The following ACAD9 variants were observed in gnomAD, a reference collection of about 807,000 sequenced individuals.
ACAD9 encodes acyl-CoA dehydrogenase family member 9, also known as complex I assembly factor ACAD9, mitochondrial.
In ACAD9, 53 loss-of-function variants were observed where a neutral mutation model predicts 70.2. The ratio of observed to expected loss-of-function variants is 0.75; its 90% CI spans 0.61 to 0.95. The LOEUF (loss-of-function observed/expected upper bound fraction) is 0.95. ACAD9 is among the 40% of genes least tolerant of loss of function. ACAD9 has a pLI of 0.00. For synonymous variants in ACAD9, 313 were observed against 312.1 expected (o/e 1.00, Z -0.03); for missense variants, 777 against 802.8 (o/e 0.97, Z 0.39).
At position 128,910,007 on chromosome 3, in the gene ACAD9, C is replaced by T. The variant is rs766039847; in HGVS notation, c.1564-14C>T. On this transcript the variant is annotated splice_polypyrimidine_tract_variant and intron_variant, in intron 15 of 17. Transcript: ENST00000308982. ...TAGGTAGTGAGTCCCCACTTGGAGC[C>T]TCTGTGATCCCAGACCATCATGGAG... 3 of 1,612,758 alleles carry T rather than the reference C, an allele frequency of 1.9e-6. No individual in the cohort carries two copies. Among genetic ancestry groups the T allele is most frequent in the Non-Finnish European group, 1.7e-6 (2 of 1,179,720 alleles).
At chr3:128,881,102 C>G (rs774455647) in intron 1 of ACAD9, among the ~76,000 whole-genome samples, 1 of 152,150 alleles carries the variant, frequency 6.6e-6, no homozygotes, top group Non-Finnish European at 1.5e-5. Context: ...TTATAGCAAG[C>G]AACTTTACAG....
intron 11 of ACAD9, 140 bp downstream of exon 11, chr3:128,904,645 T>C (rs1194625281): frequency 6.4e-6 from 9 of 1,406,430 alleles, no homozygotes; most frequent in South Asian, 1.3e-5. Flanking sequence ...TTGCCCTGTG[T>C]AGCACTCCAG....
Position 128,910,149 on chromosome 3 carries a change from G to A in ACAD9, c.1692G>A (p.Glu564=), listed in dbSNP as rs2107664660. The change falls in exon 16 of 18, where the codon GAG becomes GAA. Residue 564 remains glutamate (E), a splice_region_variant and synonymous_variant. Transcript: ENST00000308982. ...IRIGLRNHDH[E]VLLANTFCVE... ...TTGGGCTCCGCAACCACGACCACGA[G>A]GTGAGCCCAGCCCAGCCTCACACAG... is the stretch of plus-strand genomic sequence containing the variant. The A allele has an allele frequency of 6.2e-7, 1 of 1,614,022 alleles. No individual in the cohort carries two copies. The highest frequency in any genetic ancestry group is 8.5e-7 in the Non-Finnish European group (1 of 1,180,044).
At chr3:128,911,802 C>T (rs1282902725) in intron 17 of ACAD9, among the ~76,000 whole-genome samples, 2 of 152,192 alleles carry the variant, frequency 1.3e-5, no homozygotes, top group Non-Finnish European at 2.9e-5. Flanking sequence ...TCTGGTTGTA[C>T]CTGATTCTGG....
chr3:128,902,771 T>C lies in ACAD9; in HGVS notation c.958+143T>C, dbSNP rs1935778176. 5 of 943,508 alleles carry C rather than the reference T, an allele frequency of 5.3e-6. No individual in the cohort carries two copies. The East Asian group carries it at 1.3e-4, about 25-fold the overall frequency. 58.4% of individuals were successfully genotyped at this position (943,508 alleles called of 1,614,324 possible). On this transcript the variant is annotated intron_variant, in intron 9 of 17. Coordinates refer to ENST00000308982, the MANE Select transcript of ACAD9 (RefSeq NM_014049.5). The surrounding 1 kb of genome is among the most constrained non-coding windows in gnomAD (Gnocchi z 4.0). ...CCTGAGCTCAGTCCCTGGGCTTTTG[T>C]GGAGACCAGAGGGTCTCCTCAGCCT... is the stretch of plus-strand genomic sequence containing the variant.
At chr3:128,912,165 C>G (rs918075261) in intron 17 of ACAD9, among the ~76,000 whole-genome samples, 3 of 152,304 alleles carry the variant, frequency 2.0e-5, no homozygotes, top group Non-Finnish European at 4.4e-5. Flanking sequence ...GACACCCCCC[C>G]AGTGCTGACA....
At chr3:128,881,911 C>T (rs1295309108) in intron 1 of ACAD9, among the ~76,000 whole-genome samples, 1 of 152,196 alleles carries the variant, frequency 6.6e-6, no homozygotes, top group Non-Finnish European at 1.5e-5. Context: ...TCATCTACAG[C>T]CATCTGCTGG....
chr3:128,908,834 G>T lies in ACAD9; in HGVS notation c.1359-139G>T, dbSNP rs532612768. 132 of 1,374,188 alleles carry T rather than the reference G, an allele frequency of 9.6e-5. 2 individuals are homozygous for T. In the South Asian group the frequency reaches 1.5e-3, roughly 15 times the overall value. The allele number at this position is 1,374,188 out of a possible 1,614,324, so 85.1% of individuals were successfully genotyped here. Reference sequence around the variant, plus strand: ...CTCTGGCAGGTGGTGGGTTTGGGGGGGTTCAGGCTGTAGCCAGGGGCCCAG... The same window carrying T: ...CTCTGGCAGGTGGTGGGTTTGGGGGTGTTCAGGCTGTAGCCAGGGGCCCAG... On this transcript the variant is annotated intron_variant, in intron 13 of 17. Coordinates refer to ENST00000308982, the MANE Select transcript of ACAD9 (RefSeq NM_014049.5).
intron 2 of ACAD9, among the ~76,000 whole-genome samples, chr3:128,891,064 G>A (rs1935407516): frequency 1.3e-5 from 2 of 151,834 alleles, no homozygotes; most frequent in African/African-American, 2.4e-5. Flanking sequence ...GGCTGGTCTC[G>A]AACTCCTGAC....
At chr3:128,888,681 A>G (rs1411659740) in intron 2 of ACAD9, among the ~76,000 whole-genome samples, 2 of 152,176 alleles carry the variant, frequency 1.3e-5, no homozygotes, top group African/African-American at 2.4e-5. Context: ...CTGTCATTAC[A>G]TTGCTTGGTT....
At chr3:128,898,333 G>C (rs1184992881) in intron 6 of ACAD9, 1 of 425,744 alleles carries the variant, frequency 2.3e-6, no homozygotes, top group Non-Finnish European at 4.6e-6. Flanking sequence ...TAAAAGACAG[G>C]AGTTTTTTTT....
chr3:128,899,525 TGTGTG>T, intron 7 of ACAD9, 64 bp downstream of exon 7: 2 of 415,208 alleles, frequency 4.8e-6, no homozygotes, highest in South Asian at 4.3e-5. Context: ...CCTTTGACGG[TGTGTG>T]TGTGTGTGTG....
intron 2 of ACAD9, among the ~76,000 whole-genome samples, chr3:128,885,583 A>G (rs979578131): frequency 6.6e-6 from 1 of 152,148 alleles, no homozygotes; most frequent in Non-Finnish European, 1.5e-5. Flanking sequence ...TCATAGAGAC[A>G]GGTTCTCACT....
intron 16 of ACAD9, 146 bp from the exon 17 acceptor site, chr3:128,910,595 A>G (rs969021069): frequency 1.1e-6 from 1 of 912,032 alleles, no homozygotes; most frequent in South Asian, 1.3e-5. Context: ...CAGGGCTGGA[A>G]TTAGAACCCA....
At chr3:128,912,461 T>C (rs1437477279) in intron 17 of ACAD9, 46 bp from the exon 18 acceptor site, 9 of 1,559,168 alleles carry the variant, frequency 5.8e-6, no homozygotes, top group African/African-American at 4.1e-5. Flanking sequence ...GTTTGTCTTA[T>C]CACGGTGCAG....
chr3:128,906,351 G>T, intron 12 of ACAD9, 102 bp downstream of exon 12: 1 of 1,560,120 alleles, frequency 6.4e-7, no homozygotes. Context: ...GCCCAGGGCT[G>T]GGTCGCATGC....
At chr3:128,899,578 C>T (rs1935679667) in intron 7 of ACAD9, 117 bp downstream of exon 7, 2 of 1,157,846 alleles carry the variant, frequency 1.7e-6, no homozygotes, top group Non-Finnish European at 2.4e-6. Context: ...GGGAGACTGG[C>T]CCTTGACTCT....
chr3:128,909,471 CAGCAT>C (rs750522467), intron 15 of ACAD9, 50 bp downstream of exon 15: 2 of 1,577,982 alleles, frequency 1.3e-6, no homozygotes, highest in Non-Finnish European at 1.7e-6. Flanking sequence ...CCAATTTGGC[CAGCAT>C]TCATGAGACT....
intron 1 of ACAD9, among the ~76,000 whole-genome samples, chr3:128,884,065 G>A (rs920370036): frequency 1.3e-5 from 2 of 152,342 alleles, no homozygotes; most frequent in South Asian, 2.1e-4. Flanking sequence ...AGATGTCTGT[G>A]AGCAGGAGAG....
Sources: gnomAD v4.1 joint callset for allele counts (sites outside exome capture counted in the v4.1 genomes callset) on GRCh38, gnomAD v4.1.1 for gene constraint, Gnocchi (gnomAD v3.1) non-coding constraint, MANE v1.5 for transcripts, NCBI Gene and HGNC (gene_info 2026-07-23, HGNC 2026-07-21) for gene names.